OTOGL: variants seen among roughly 807,000 people sequenced by gnomAD.
The protein encoded by OTOGL is otogelin-like protein.
In OTOGL, 285 loss-of-function variants were observed where a neutral mutation model predicts 318.5. The ratio of observed to expected loss-of-function variants is 0.89; its 90% CI spans 0.81 to 0.99. OTOGL has a LOEUF of 0.99. Ranked by LOEUF, OTOGL falls within the 50% of genes least tolerant of loss-of-function variation. The pLI, the probability that OTOGL is intolerant of heterozygous loss-of-function variation, is 0.00. For synonymous variants in OTOGL, 987 were observed against 936.5 expected (o/e 1.05, Z -0.99); for missense variants, 2,899 against 2,845.6 (o/e 1.02, Z -0.43).
At chr12:80,309,330 A>G (rs969568018) in intron 29 of OTOGL, among the ~76,000 whole-genome samples, 14 of 152,184 alleles carry the variant, frequency 9.2e-5, no homozygotes, top group African/African-American at 3.1e-4. Context: ...GTGATGGTCC[A>G]AGAAAGGTTC....
chr12:80,182,318 C>T (rs1379539313), intron 1 of OTOGL, among the ~76,000 whole-genome samples: 1 of 152,164 alleles, frequency 6.6e-6, no homozygotes, highest in Non-Finnish European at 1.5e-5. Context: ...GAAAGCATCA[C>T]AGCTCAAAGT....
chr12:80,185,445 C>T (rs969077227), intron 1 of OTOGL, among the ~76,000 whole-genome samples: 4 of 152,090 alleles, frequency 2.6e-5, no homozygotes, highest in African/African-American at 7.2e-5. Context: ...TGCACTGCCA[C>T]GCCTGGCTAA....
intron 1 of OTOGL, among the ~76,000 whole-genome samples, chr12:80,114,275 G>A (rs1415199348): frequency 1.3e-5 from 2 of 152,014 alleles, no homozygotes; most frequent in South Asian, 2.1e-4. Context: ...CATATTTAGT[G>A]CTTCCTTCAG....
At chr12:80,123,416 C>A (rs1055623822) in intron 1 of OTOGL, among the ~76,000 whole-genome samples, 1 of 152,178 alleles carries the variant, frequency 6.6e-6, no homozygotes, top group African/African-American at 2.4e-5. Context: ...GCCACATTTT[C>A]TTAATCCAGT....
chr12:80,253,409 G>C (rs1881745189), intron 13 of OTOGL, 57 bp from the exon 14 acceptor site: 1 of 1,463,354 alleles, frequency 6.8e-7, no homozygotes, highest in South Asian at 1.2e-5. Context: ...TTATATTCCA[G>C]AAATACAATC....
intron 1 of OTOGL, among the ~76,000 whole-genome samples, chr12:80,180,452 C>T (rs372569147): frequency 3.9e-5 from 6 of 152,286 alleles, no homozygotes; most frequent in Admixed American, 6.5e-5. Context: ...CATATGTGGT[C>T]CATAAACTCT....
rs1886794271 is a variant in OTOGL at position 80,313,641 on chromosome 12, C to A, written c.3607+9C>A. 1.3e-6 allele frequency: 2 copies of A among 1,599,174 alleles called. No individual in the cohort carries two copies. Among genetic ancestry groups the A allele is most frequent in the East Asian group, 4.5e-5 (2 of 44,474 alleles). On this transcript the variant is annotated intron_variant, in intron 31 of 58. Coordinates refer to ENST00000547103, the MANE Select transcript of OTOGL (RefSeq NM_001378609.3). Reference sequence around the variant, plus strand: ...ATCATCTACTGTTTGTTGTAAGTACCCTACTTAGAACATCATTATGTAGAG... The same window carrying A: ...ATCATCTACTGTTTGTTGTAAGTACACTACTTAGAACATCATTATGTAGAG...
intron 44 of OTOGL, among the ~76,000 whole-genome samples, chr12:80,344,570 A>G (rs1340479037): frequency 6.6e-6 from 1 of 152,222 alleles, no homozygotes; most frequent in Non-Finnish European, 1.5e-5. Flanking sequence ...GTAAATGGGC[A>G]TCAAATTATG....
At chr12:80,359,188 T>A (rs927427808) in intron 52 of OTOGL, among the ~76,000 whole-genome samples, 1 of 152,100 alleles carries the variant, frequency 6.6e-6, no homozygotes, top group African/African-American at 2.4e-5. Context: ...TTGAAAAAAA[T>A]TATCTTAATA....
intron 46 of OTOGL, 147 bp from the exon 47 acceptor site, chr12:80,355,589 G>T: frequency 1.6e-6 from 1 of 627,882 alleles, no homozygotes. Context: ...AGTTAGTGGT[G>T]ATGAAAGAGA....
intron 1 of OTOGL, among the ~76,000 whole-genome samples, chr12:80,146,663 A>ATT (rs1872388178): frequency 6.6e-6 from 1 of 151,996 alleles, no homozygotes; most frequent in African/African-American, 2.4e-5. Flanking sequence ...CTCTGCTAGA[A>ATT]TTCAGCTGTG....
At chr12:80,303,770 C>T (rs898713911) in intron 28 of OTOGL, among the ~76,000 whole-genome samples, 1 of 152,178 alleles carries the variant, frequency 6.6e-6, no homozygotes, top group Non-Finnish European at 1.5e-5. Flanking sequence ...CTCACTATCA[C>T]AAGAACAGCT....
intron 27 of OTOGL, among the ~76,000 whole-genome samples, chr12:80,297,766 A>C (rs1204326437): frequency 2.0e-5 from 3 of 152,112 alleles, no homozygotes; most frequent in Non-Finnish European, 4.4e-5. Context: ...CTCTTTCATT[A>C]CTTTCTGCTT....
At chr12:80,284,576 T>A (rs1456953865) in intron 26 of OTOGL, among the ~76,000 whole-genome samples, 1 of 152,190 alleles carries the variant, frequency 6.6e-6, no homozygotes, top group East Asian at 1.9e-4. Context: ...CCATTCTAAC[T>A]GGTGTGAGAT....
At chr12:80,128,801 C>G (rs2137115555) in intron 1 of OTOGL, among the ~76,000 whole-genome samples, 1 of 152,322 alleles carries the variant, frequency 6.6e-6, no homozygotes, top group Non-Finnish European at 1.5e-5. Context: ...GCTGTGCTAG[C>G]AATGAGCGAG....
chr12:80,102,855 T>C, intron 1 of OTOGL: 3 of 724,562 alleles, frequency 4.1e-6, no homozygotes, highest in Admixed American at 4.2e-5. Context: ...TTCTTTTTTT[T>C]CTCCTTTGTT....
intron 32 of OTOGL, among the ~76,000 whole-genome samples, chr12:80,317,545 T>C (rs1223051935): frequency 6.6e-6 from 1 of 152,186 alleles, no homozygotes; most frequent in Non-Finnish European, 1.5e-5. Context: ...CCTCAAGTTG[T>C]AGTTGCATAC....
intron 35 of OTOGL, among the ~76,000 whole-genome samples, chr12:80,325,903 G>A (rs1887649628): frequency 6.6e-6 from 1 of 152,114 alleles, no homozygotes; most frequent in East Asian, 1.9e-4. Context: ...ATCAGTCTCT[G>A]GGGTGGTGGA....
chr12:80,256,272 C>G lies in OTOGL; in HGVS notation c.1588-65C>G, dbSNP rs1882029524. 5 of 1,503,744 alleles carry G rather than the reference C, an allele frequency of 3.3e-6. No individual in the cohort carries two copies. The South Asian group carries it at 6.1e-5, about 18-fold the overall frequency. The allele number at this position is 1,503,744 out of a possible 1,614,324, so 93.2% of individuals were successfully genotyped here. A position where few individuals can be genotyped will look rare whatever the true frequency, so the allele number is the denominator to read the frequency against. ...TCTCCCTTTCTCCCATCTCCACCTT[C>G]CTGTCTCTTTCTATGGCTCTCTCTC... On this transcript the variant is annotated intron_variant, in intron 16 of 58. Transcript: ENST00000547103.
Sources: gnomAD v4.1 joint callset for allele counts (sites outside exome capture counted in the v4.1 genomes callset) on GRCh38, gnomAD v4.1.1 for gene constraint, MANE v1.5 for transcripts, NCBI Gene and HGNC (gene_info 2026-07-23, HGNC 2026-07-21) for gene names.